The following FGF14 variants were observed in gnomAD, a reference collection of about 807,000 sequenced individuals.
FGF14 encodes the protein fibroblast growth factor homologous factor 4.
FGF14 carries 5 observed loss-of-function variants against 25.5 expected under a neutral mutation model. That is an observed-to-expected ratio of 0.20 (90% CI 0.10 to 0.41). FGF14 has a LOEUF of 0.41. Among genes scored for constraint, FGF14 ranks in the 10% least tolerant of loss-of-function variants. The probability of loss-of-function intolerance (pLI) is 1.00; values close to 1 mark genes in which losing one functional copy is unlikely to be tolerated. For synonymous variants in FGF14, 138 were observed against 118.3 expected (o/e 1.17, Z -1.08); for missense variants, 222 against 320.1 (o/e 0.69, Z 2.34).
At chr13:101,866,135 ATTATT>A (rs753301993) in intron 3 of FGF14, among the ~76,000 whole-genome samples, 12 of 152,062 alleles carry the variant, frequency 7.9e-5, no homozygotes, top group African/African-American at 2.9e-4. Flanking sequence ...CAAATTTTCT[ATTATT>A]TTAATTTTAA....
In FGF14 at chr13:101,867,889, G is replaced by GACACACACAC. The variant is rs370683665; in HGVS notation, c.408+826_408+835dup. Among the ~76,000 whole-genome samples the GACACACACAC allele has an allele frequency of 1.4e-3, 198 of 140,678 alleles. 2 individuals are homozygous for GACACACACAC. Among genetic ancestry groups the GACACACACAC allele is most frequent in the South Asian group, 4.6e-3 (19 of 4,136 alleles). 92.3% of individuals were successfully genotyped at this position (140,678 alleles called of 152,430 possible). A position where few individuals can be genotyped will look rare whatever the true frequency, so the allele number is the denominator to read the frequency against. On this transcript the variant is annotated intron_variant, in intron 3 of 4. Transcript: ENST00000376143. ...CCCCCTGGAGAATGTTTCTGTTTAA[G>GACACACACAC]ACACACACACACACACACACACACA...
At chr13:101,901,876 A>G (rs1449372273) in intron 1 of FGF14, among the ~76,000 whole-genome samples, 1 of 152,164 alleles carries the variant, frequency 6.6e-6, no homozygotes, top group Admixed American at 6.6e-5. Flanking sequence ...AATAAAGAGA[A>G]TATTATCTAC....
chr13:102,064,693 T>C (rs192710198), intron 1 of FGF14, among the ~76,000 whole-genome samples: 13 of 152,136 alleles, frequency 8.5e-5, no homozygotes, highest in African/African-American at 2.9e-4. Flanking sequence ...ATCTGCAGAT[T>C]CAACCAAACA....
intron 1 of FGF14, among the ~76,000 whole-genome samples, chr13:102,321,428 T>A (rs894695889): frequency 6.6e-6 from 1 of 152,160 alleles, no homozygotes; most frequent in Non-Finnish European, 1.5e-5. Flanking sequence ...ACATATAGAA[T>A]ACAATTTTTA....
intron 3 of FGF14, among the ~76,000 whole-genome samples, chr13:101,830,377 C>T (rs1450197527): frequency 6.6e-6 from 1 of 152,018 alleles, no homozygotes; most frequent in Non-Finnish European, 1.5e-5. Context: ...CTATCATTTG[C>T]CAAGTGCCCT....
In FGF14 at chr13:101,981,236, C is replaced by T. The variant is rs2038241766; in HGVS notation, c.209-105940G>A. 1.3e-5 allele frequency among the ~76,000 whole-genome samples: 2 copies of T among 151,684 alleles called. 1 individual carries two copies. The highest frequency in any genetic ancestry group is 4.8e-5 in the African/African-American group (2 of 41,336). On this transcript the variant is annotated intron_variant, in intron 1 of 4. Transcript: ENST00000376131. ...CAGAGGTTCCATTGAGCCGAGATTGCGTCATTGCACTCCAGCCTGAGCAAC... is the reference window on the plus strand; with the variant it reads ...CAGAGGTTCCATTGAGCCGAGATTGTGTCATTGCACTCCAGCCTGAGCAAC...
At chr13:102,333,703 G>A (rs115300079) in intron 1 of FGF14, among the ~76,000 whole-genome samples, 2 of 152,310 alleles carry the variant, frequency 1.3e-5, no homozygotes, top group South Asian at 2.1e-4. Flanking sequence ...GTGTCTAGGA[G>A]TGAATAAACA....
chr13:101,850,463 T>A (rs1331681079), intron 3 of FGF14, among the ~76,000 whole-genome samples: 12 of 7,214 alleles, frequency 1.7e-3, no homozygotes, highest in Admixed American at 3.0e-3. Context: ...CTAAAGGCAA[T>A]ATATATATAT....
chr13:102,049,873 C>T (rs2042146200), intron 1 of FGF14, among the ~76,000 whole-genome samples: 1 of 152,124 alleles, frequency 6.6e-6, no homozygotes, highest in South Asian at 2.1e-4. Context: ...AGGGGAGAGG[C>T]ATCAAACATA....
chr13:101,809,891 AC>A lies in FGF14; in HGVS notation c.408+58833del, dbSNP rs553730754. Among the ~76,000 whole-genome samples the A allele has an allele frequency of 2.0e-5, 3 of 152,082 alleles. No individual in the cohort carries two copies. In the South Asian group the frequency reaches 6.2e-4, roughly 32 times the overall value. ...TAATTCACATCTTATAGAGGAAGAG[AC>A]CCCCCAAGGTCACACAACTAGATAA... On this transcript the variant is annotated intron_variant, in intron 3 of 4. Transcript: ENST00000376143.
At chr13:101,979,941 T>C (rs1481775455) in intron 1 of FGF14, among the ~76,000 whole-genome samples, 1 of 152,196 alleles carries the variant, frequency 6.6e-6, no homozygotes, top group Non-Finnish European at 1.5e-5. Context: ...CCCATCTAAA[T>C]TGCCAGTCAA....
intron 1 of FGF14, among the ~76,000 whole-genome samples, chr13:102,311,386 C>G (rs939691864): frequency 6.6e-5 from 10 of 152,100 alleles, no homozygotes; most frequent in Non-Finnish European, 1.0e-4. Flanking sequence ...TAAAGTAAAA[C>G]TAAGTTTTGT....
chr13:101,887,363 C>T (rs1429011489), intron 1 of FGF14, among the ~76,000 whole-genome samples: 1 of 151,252 alleles, frequency 6.6e-6, no homozygotes, highest in Non-Finnish European at 1.5e-5. Context: ...CACACACATA[C>T]ACACATGCAC....
At chr13:102,216,040 C>T (rs1204749450) in intron 1 of FGF14, among the ~76,000 whole-genome samples, 1 of 152,010 alleles carries the variant, frequency 6.6e-6, no homozygotes, top group East Asian at 1.9e-4. Context: ...ACAGAAGAGG[C>T]AAGAGACTAA....
chr13:101,791,329 C>T (rs1292743841), intron 3 of FGF14, among the ~76,000 whole-genome samples: 1 of 152,088 alleles, frequency 6.6e-6, no homozygotes, highest in African/African-American at 2.4e-5. Context: ...GATTTTCTAG[C>T]CTTAATGAGC....
At chr13:102,139,522 T>C (rs76278022) in intron 1 of FGF14, among the ~76,000 whole-genome samples, 8,999 of 152,264 alleles carry the variant, frequency 0.059, 318 homozygotes, top group Middle Eastern at 0.17. Flanking sequence ...AATATTATTA[T>C]TAATCCAAAG....
intron 1 of FGF14, among the ~76,000 whole-genome samples, chr13:101,956,756 T>A (rs2036534862): frequency 7.2e-6 from 1 of 138,846 alleles, no homozygotes; most frequent in Non-Finnish European, 1.5e-5. Flanking sequence ...CTTCAGATAT[T>A]ATTCACTTTA....
chr13:102,210,683 C>T (rs2050119669), intron 1 of FGF14, among the ~76,000 whole-genome samples: 1 of 152,072 alleles, frequency 6.6e-6, no homozygotes, highest in African/African-American at 2.4e-5. Flanking sequence ...AACCTTAGGA[C>T]TACCAACAGA....
chr13:101,793,907 T>C (rs957264793), intron 3 of FGF14, among the ~76,000 whole-genome samples: 5 of 152,124 alleles, frequency 3.3e-5, no homozygotes, highest in Non-Finnish European at 7.4e-5. Flanking sequence ...CTGATGTTTG[T>C]AGCTCTGTCA....
Sources: allele counts gnomAD v4.1 joint callset (sites outside exome capture counted in the v4.1 genomes callset), GRCh38; gene constraint gnomAD v4.1.1; transcripts MANE v1.5; gene names NCBI Gene and HGNC (gene_info 2026-07-23, HGNC 2026-07-21).